Variants in TIAM2 observed in about 807,000 individuals in gnomAD.
TIAM2 encodes rho guanine nucleotide exchange factor TIAM2.
TIAM2 carries 80 observed loss-of-function variants against 152.9 expected under a neutral mutation model. The ratio of observed to expected loss-of-function variants is 0.52; its 90% CI spans 0.44 to 0.63. The LOEUF is 0.63. Among genes scored for constraint, TIAM2 ranks in the 30% least tolerant of loss-of-function variants. The pLI, the probability that TIAM2 is intolerant of heterozygous loss-of-function variation, is 0.00. For synonymous variants in TIAM2, 804 were observed against 838.0 expected (o/e 0.96, Z 0.70); for missense variants, 1,965 against 2,120.1 (o/e 0.93, Z 1.44).
In TIAM2 at chr6:155,082,943, CTCT is replaced by C. The variant is rs957878476; in HGVS notation, c.-208-7342_-208-7340del. Among the ~76,000 whole-genome samples, 9 of 152,110 alleles carry C rather than the reference CTCT, an allele frequency of 5.9e-5. No individual in the cohort carries two copies. The South Asian group carries it at 6.2e-4, about 10-fold the overall frequency. On this transcript the variant is annotated intron_variant, in intron 1 of 26. Coordinates refer to ENST00000682666, the MANE Select transcript of TIAM2 (RefSeq NM_012454.4). Reference sequence around the variant, plus strand: ...TTAACACTCCCTCCCCAAAATCATTCTCTTCTATTTGTTTATGAATCTTATTCC... The same window carrying C: ...TTAACACTCCCTCCCCAAAATCATTCTCTATTTGTTTATGAATCTTATTCC...
chr6:155,020,454 A>C (rs1231484102), intron 1 of TIAM2, among the ~76,000 whole-genome samples: 2 of 151,990 alleles, frequency 1.3e-5, no homozygotes, highest in Non-Finnish European at 2.9e-5. Flanking sequence ...TTACTGTATT[A>C]GCCTTTTGTT....
chr6:155,199,168 C>T (rs974548704), intron 14 of TIAM2, among the ~76,000 whole-genome samples: 2 of 151,908 alleles, frequency 1.3e-5, no homozygotes, highest in African/African-American at 4.8e-5. Flanking sequence ...CTCTGCCTCC[C>T]AGGTTCAAGC....
chr6:155,152,779 A>T (rs1293735514), intron 7 of TIAM2, among the ~76,000 whole-genome samples: 2 of 152,078 alleles, frequency 1.3e-5, no homozygotes, highest in Non-Finnish European at 2.9e-5. Flanking sequence ...ACATTTGGCA[A>T]CACTGAGAGG....
intron 17 of TIAM2, 46 bp from the exon 18 acceptor site, chr6:155,244,612 A>G: frequency 6.2e-7 from 1 of 1,600,892 alleles, no homozygotes. Context: ...TGGTGTCCTG[A>G]ACTTCATGGC....
At chr6:155,028,473 G>A (rs1162782022) in intron 1 of TIAM2, among the ~76,000 whole-genome samples, 1 of 125,780 alleles carries the variant, frequency 8.0e-6, no homozygotes, top group Non-Finnish European at 1.6e-5. Context: ...TATATACTGT[G>A]TTACATATAC....
rs1554225290 is a variant in TIAM2 at position 155,028,395 on chromosome 6, C to CATATA, written c.-209+32904_-209+32908dup. ...TATATACTGTGTTACATATATACTA[C>CATATA]ATATATATACTGTGTTACATATACT... On this transcript the variant is annotated intron_variant, in intron 1 of 26. Coordinates refer to ENST00000682666, the MANE Select transcript of TIAM2 (RefSeq NM_012454.4). Among the ~76,000 whole-genome samples, 174 of 69,920 alleles carry CATATA rather than the reference C, an allele frequency of 2.5e-3. 7 individuals carry two copies. The highest frequency in any genetic ancestry group is 0.012 in the African/African-American group (165 of 14,094). The allele number at this position is 69,920 out of a possible 152,430, so 45.9% of individuals were successfully genotyped here.
chr6:155,197,179 C>T (rs964655279), intron 14 of TIAM2, among the ~76,000 whole-genome samples: 3 of 152,162 alleles, frequency 2.0e-5, no homozygotes, highest in South Asian at 2.1e-4. Context: ...TGGAAACTGC[C>T]GAATGAAAGG....
At chr6:155,249,156 A>G (rs900995780) in intron 20 of TIAM2, among the ~76,000 whole-genome samples, 2 of 151,244 alleles carry the variant, frequency 1.3e-5, no homozygotes, top group Admixed American at 1.3e-4. Flanking sequence ...GAATTGGGAG[A>G]AAAAAAAGTA....
At chr6:155,216,281 C>T (rs1781859234) in intron 15 of TIAM2, among the ~76,000 whole-genome samples, 1 of 152,178 alleles carries the variant, frequency 6.6e-6, no homozygotes. Context: ...TGCCCTAGCC[C>T]AACTGGTCTT....
At chr6:155,005,097 G>A in intron 1 of TIAM2, 1 of 294,444 alleles carries the variant, frequency 3.4e-6, no homozygotes, top group African/African-American at 2.2e-5. Flanking sequence ...TGGTAATGGA[G>A]GTCAGGTTGC....
At chr6:155,072,688 G>T (rs942300724) in intron 1 of TIAM2, among the ~76,000 whole-genome samples, 1 of 152,150 alleles carries the variant, frequency 6.6e-6, no homozygotes, top group African/African-American at 2.4e-5. Context: ...CTTGGTTGTC[G>T]TCAATGATAG....
intron 1 of TIAM2, among the ~76,000 whole-genome samples, chr6:155,052,514 C>G (rs1176318888): frequency 6.6e-6 from 1 of 151,948 alleles, no homozygotes; most frequent in Non-Finnish European, 1.5e-5. Flanking sequence ...ACCTGTAATC[C>G]TAGCACTTTG....
intron 15 of TIAM2, among the ~76,000 whole-genome samples, chr6:155,221,587 G>C (rs1402271161): frequency 6.6e-6 from 1 of 152,186 alleles, no homozygotes; most frequent in African/African-American, 2.4e-5. Context: ...CAAACAGAAA[G>C]CCAAGTTCAA....
chr6:155,052,295 T>C (rs959809177), intron 1 of TIAM2, among the ~76,000 whole-genome samples: 1 of 152,238 alleles, frequency 6.6e-6, no homozygotes, highest in Non-Finnish European at 1.5e-5. Context: ...ACTTGTACCA[T>C]TAGCATAATA....
At position 155,129,260 on chromosome 6, in the gene TIAM2, T is replaced by G; in HGVS notation, c.37T>G (p.Ser13Ala). ...NSDSQYTLQG[S>A]KNHSNTITGA... ...CGACAGTCAGTACACCCTTCAAGGA[T>G]CTAAAAATCATAGCAATACTATTAC... is the stretch of plus-strand genomic sequence containing the variant. Residue 13 changes from serine to alanine, a missense_variant, in exon 4 of 27, where the codon TCT (serine) becomes GCT (alanine). This residue lies in a region of TIAM2 where 1,025 missense variants were observed against 1,119.4 expected (regional missense o/e 0.92). Coordinates refer to ENST00000682666, the MANE Select transcript of TIAM2 (RefSeq NM_012454.4). The surrounding 1 kb of genome is among the most constrained non-coding windows in gnomAD (Gnocchi z 4.8). The G allele has an allele frequency of 6.2e-7, 1 of 1,614,162 alleles. No individual in the cohort carries two copies. Among genetic ancestry groups the G allele is most frequent in the East Asian group, 2.2e-5 (1 of 44,874 alleles).
Position 155,179,398 on chromosome 6 carries a change from C to G in TIAM2, c.2649C>G (p.Val883=). ...MQQQVYDEIE[V]FPLNVYDVQL... The stretch of plus-strand genomic sequence containing the variant: ...TGCAGGTTTATGATGAAATAGAAGT[C>G]TTTCCACTAAATGTTTATGACGTGC... Residue 883 remains valine (V), a synonymous_variant, in exon 12 of 27, where the codon GTC becomes GTG. Coordinates refer to ENST00000682666, the MANE Select transcript of TIAM2 (RefSeq NM_012454.4). 1 of 1,613,950 alleles carries G rather than the reference C, an allele frequency of 6.2e-7. No individual in the cohort carries two copies. The highest frequency in any genetic ancestry group is 8.5e-7 in the Non-Finnish European group (1 of 1,180,002).
intron 5 of TIAM2, among the ~76,000 whole-genome samples, chr6:155,140,773 AT>A (rs1016858084): frequency 1.3e-5 from 2 of 152,176 alleles, no homozygotes; most frequent in Non-Finnish European, 2.9e-5. Context: ...CATTGAATTT[AT>A]TCTGGGTCTG....
At chr6:155,008,178 A>G (rs1279735595) in intron 1 of TIAM2, among the ~76,000 whole-genome samples, 1 of 152,228 alleles carries the variant, frequency 6.6e-6, no homozygotes, top group Non-Finnish European at 1.5e-5. Flanking sequence ...ATATAAAAGT[A>G]CATTTATATT....
chr6:155,250,766 T>TAAAC (rs1783606609), intron 21 of TIAM2, 147 bp from the exon 22 acceptor site: 1 of 1,124,318 alleles, frequency 8.9e-7, no homozygotes, highest in East Asian at 2.5e-5. Context: ...AGCTCCACCG[T>TAAAC]TTAAGGCCCC....
Sources: allele counts gnomAD v4.1 joint callset (sites outside exome capture counted in the v4.1 genomes callset), GRCh38; gene constraint gnomAD v4.1.1; regional missense constraint gnomAD v4.1.1; non-coding constraint Gnocchi (gnomAD v3.1); transcripts MANE v1.5; gene names NCBI Gene and HGNC (gene_info 2026-07-23, HGNC 2026-07-21).